CLYBL: variants seen among roughly 807,000 people sequenced by gnomAD.
CLYBL encodes the protein citramalyl-CoA lyase.
A neutral mutation model predicts 38.9 loss-of-function variants in CLYBL; 31 were observed. The observed-to-expected ratio is 0.80, with a 90% CI of 0.60 to 1.08. The LOEUF (loss-of-function observed/expected upper bound fraction) is 1.08. Ranked by LOEUF, CLYBL falls within the 50% of genes least tolerant of loss-of-function variation. The pLI is 0.00. For synonymous variants in CLYBL, 171 were observed against 158.6 expected (o/e 1.08, Z -0.59); for missense variants, 434 against 411.6 (o/e 1.05, Z -0.47).
intron 1 of CLYBL, among the ~76,000 whole-genome samples, chr13:99,700,398 C>T (rs892995700): frequency 7.2e-5 from 11 of 151,848 alleles, no homozygotes; most frequent in African/African-American, 1.7e-4. Context: ...GAGCGGAGAT[C>T]GCACCATTGC....
At chr13:99,626,037 A>G (rs981230431) in intron 1 of CLYBL, among the ~76,000 whole-genome samples, 6 of 152,210 alleles carry the variant, frequency 3.9e-5, no homozygotes, top group African/African-American at 1.4e-4. Context: ...CTTAGTCTTC[A>G]AGTGGCCAGT....
At chr13:99,765,676 T>TG (rs1441274782) in intron 1 of CLYBL, among the ~76,000 whole-genome samples, 1 of 152,008 alleles carries the variant, frequency 6.6e-6, no homozygotes, top group African/African-American at 2.4e-5. Flanking sequence ...CCCGAGTAAC[T>TG]GGGACAACAG....
chr13:99,809,878 G>A (rs1357587058), intron 2 of CLYBL, among the ~76,000 whole-genome samples: 1 of 152,196 alleles, frequency 6.6e-6, no homozygotes, highest in Admixed American at 6.5e-5. Context: ...AGAGAAACAT[G>A]AAGCTGGATG....
intron 1 of CLYBL, among the ~76,000 whole-genome samples, chr13:99,674,544 GAA>G (rs1336859471): frequency 6.6e-6 from 1 of 152,112 alleles, no homozygotes; most frequent in Non-Finnish European, 1.5e-5. Flanking sequence ...TGTTAGCAGA[GAA>G]ATGGTATTTA....
rs562792043 is a variant in CLYBL at position 99,762,657 on chromosome 13, C to G, written c.63-10167C>G. Among the ~76,000 whole-genome samples the G allele has an allele frequency of 3.3e-5, 5 of 152,218 alleles. No homozygotes were observed. In the South Asian group the frequency reaches 8.3e-4, roughly 25 times the overall value. ...GGATTGCTTTGACTATTCAGAGTCT[C>G]TTGTGGTTCCATATAAATTTTAGAA... On this transcript the variant is annotated intron_variant, in intron 1 of 8. Transcript: ENST00000339105.
intron 2 of CLYBL, among the ~76,000 whole-genome samples, chr13:99,783,609 A>G (rs2049710298): frequency 6.6e-6 from 1 of 151,826 alleles, no homozygotes; most frequent in Non-Finnish European, 1.5e-5. Flanking sequence ...GGCGCCTGCC[A>G]CCACTCCTGG....
At chr13:99,696,035 T>C (rs1048700842) in intron 1 of CLYBL, among the ~76,000 whole-genome samples, 1 of 152,180 alleles carries the variant, frequency 6.6e-6, no homozygotes, top group Non-Finnish European at 1.5e-5. Context: ...CAGTTTTTGC[T>C]GAGACTCTCA....
chr13:99,739,646 A>G (rs1381768610), intron 1 of CLYBL, among the ~76,000 whole-genome samples: 2 of 152,214 alleles, frequency 1.3e-5, no homozygotes, highest in African/African-American at 4.8e-5. Flanking sequence ...AATTCAGAGC[A>G]ATTAATTCCA....
rs1211490326 is a variant in CLYBL at position 99,762,218 on chromosome 13, G to T, written c.63-10606G>T. ...TGCTTTGGTTGCCTGTGCTTTTGGG[G>T]TCTTACACAAAAATTTTTGGCCAGA... On this transcript the variant is annotated intron_variant, in intron 1 of 8. Coordinates refer to ENST00000339105, the MANE Select transcript of CLYBL (RefSeq NM_206808.5). Among the ~76,000 whole-genome samples the T allele has an allele frequency of 3.9e-5, 6 of 151,938 alleles. No individual in the cohort carries two copies. In the East Asian group the frequency reaches 1.2e-3, roughly 29 times the overall value.
In CLYBL at chr13:99,607,013, G is replaced by A. The variant is rs143219191; in HGVS notation, c.62+256G>A. Among the ~76,000 whole-genome samples, 315 of 152,320 alleles carry A rather than the reference G, an allele frequency of 2.1e-3. 1 individual carries two copies. Among genetic ancestry groups the A allele is most frequent in the Non-Finnish European group, 2.9e-3 (197 of 68,016 alleles). Reference sequence around the variant, plus strand: ...GTCGAATTACCTGGACTCAGCCCCAGGAAACAAAACTGCCTGCCTCCCCCA... The same window carrying A: ...GTCGAATTACCTGGACTCAGCCCCAAGAAACAAAACTGCCTGCCTCCCCCA... On this transcript the variant is annotated intron_variant, in intron 1 of 8. Transcript: ENST00000339105.
intron 2 of CLYBL, among the ~76,000 whole-genome samples, chr13:99,781,212 G>C (rs907484898): frequency 6.7e-6 from 1 of 148,296 alleles, no homozygotes. Flanking sequence ...GCTGTGTCAC[G>C]CAGGCTGGAG....
chr13:99,713,311 G>T (rs1229919032), intron 1 of CLYBL, among the ~76,000 whole-genome samples: 1 of 147,550 alleles, frequency 6.8e-6, no homozygotes, highest in Non-Finnish European at 1.5e-5. Flanking sequence ...AGTTCTAGGA[G>T]CTTTCTTTGT....
intron 7 of CLYBL, among the ~76,000 whole-genome samples, chr13:99,875,303 TGGAA>T (rs2052009163): frequency 6.6e-6 from 1 of 152,184 alleles, no homozygotes; most frequent in Non-Finnish European, 1.5e-5. Flanking sequence ...CATCTTCTGC[TGGAA>T]TATAAACTGG....
intron 2 of CLYBL, among the ~76,000 whole-genome samples, chr13:99,833,028 A>ATTT (rs1566345781): frequency 2.2e-4 from 8 of 36,078 alleles, no homozygotes; most frequent in African/African-American, 7.1e-4. Context: ...ATATATATAT[A>ATTT]TATTTTTTTT....
intron 1 of CLYBL, among the ~76,000 whole-genome samples, chr13:99,643,795 C>G (rs1234223198): frequency 1.3e-5 from 2 of 152,184 alleles, no homozygotes; most frequent in African/African-American, 2.4e-5. Context: ...AGCATGAGGT[C>G]AGGAGTTGCA....
chr13:99,710,172 A>G (rs773353776), intron 1 of CLYBL, among the ~76,000 whole-genome samples: 3 of 151,982 alleles, frequency 2.0e-5, no homozygotes, highest in Admixed American at 1.3e-4. Flanking sequence ...TCGGCCTCCC[A>G]AAGTGCTGGG....
At position 99,608,989 on chromosome 13, in the gene CLYBL, A is replaced by C. The variant is rs548532915; in HGVS notation, c.62+2232A>C. Among the ~76,000 whole-genome samples, 107 of 150,442 alleles carry C rather than the reference A, an allele frequency of 7.1e-4. 2 individuals carry two copies. The highest frequency in any genetic ancestry group is 2.5e-3 in the African/African-American group (101 of 40,882). ...GAGTTTCTTGGATGTGTATACATCAAATTTGGGAAGTTTTTGGCTATTGTT... is the reference window on the plus strand; with the variant it reads ...GAGTTTCTTGGATGTGTATACATCACATTTGGGAAGTTTTTGGCTATTGTT... On this transcript the variant is annotated intron_variant, in intron 1 of 8. Coordinates refer to ENST00000339105, the MANE Select transcript of CLYBL (RefSeq NM_206808.5).
chr13:99,836,325 G>A (rs1319413796), intron 2 of CLYBL, among the ~76,000 whole-genome samples: 2 of 152,182 alleles, frequency 1.3e-5, no homozygotes, highest in African/African-American at 4.8e-5. Context: ...TTCCCCTGGA[G>A]AGGGTGGTGA....
intron 1 of CLYBL, among the ~76,000 whole-genome samples, chr13:99,687,513 C>T (rs563677529): frequency 6.6e-6 from 1 of 152,244 alleles, no homozygotes; most frequent in South Asian, 2.1e-4. Flanking sequence ...GTTTGTTTCA[C>T]AGAAAATACA....
Sources: gnomAD v4.1 joint callset for allele counts (sites outside exome capture counted in the v4.1 genomes callset) on GRCh38, gnomAD v4.1.1 for gene constraint, MANE v1.5 for transcripts, NCBI Gene and HGNC (gene_info 2026-07-23, HGNC 2026-07-21) for gene names.